Variants in CPB1 observed in about 807,000 individuals in gnomAD.
The protein encoded by CPB1 is carboxypeptidase B1, also known as carboxypeptidase B.
A neutral mutation model predicts 51.4 loss-of-function variants in CPB1; 53 were observed. The ratio of observed to expected loss-of-function variants is 1.03; its 90% CI spans 0.83 to 1.30. The LOEUF is 1.30. CPB1 is among the 50% of genes most tolerant of loss of function. The probability of loss-of-function intolerance (pLI) is 0.00; values close to 1 mark genes in which losing one functional copy is unlikely to be tolerated. For missense variants in CPB1, 494 were observed against 516.2 expected (o/e 0.96, Z 0.42); for synonymous variants, 189 against 186.9 (o/e 1.01, Z -0.09).
intron 2 of CPB1, among the ~76,000 whole-genome samples, chr3:148,830,604 T>C (rs532243875): frequency 7.2e-5 from 11 of 152,334 alleles, no homozygotes; most frequent in African/African-American, 2.6e-4. Flanking sequence ...ACAATTTATA[T>C]GGCTAGTATA....
intron 2 of CPB1, among the ~76,000 whole-genome samples, chr3:148,833,791 C>A (rs1185481956): frequency 1.3e-5 from 2 of 151,804 alleles, no homozygotes; most frequent in Non-Finnish European, 1.5e-5. Context: ...ATGTCTCCCC[C>A]ATAAAGACAA....
rs982792148 is a variant in CPB1 at position 148,848,648 on chromosome 3, A to T, written c.981+3022A>T. Among the ~76,000 whole-genome samples the T allele has an allele frequency of 5.3e-5, 8 of 152,320 alleles. 1 individual carries two copies. In the South Asian group the frequency reaches 1.7e-3, roughly 32 times the overall value. ...ATAAACAGCAGTCCTTTGATATCTG[A>T]GTCATGATAAAAATGTATGTGCCTT... On this transcript the variant is annotated intron_variant, in intron 9 of 10. Transcript: ENST00000282957.
intron 3 of CPB1, among the ~76,000 whole-genome samples, chr3:148,838,844 C>T (rs1712987730): frequency 6.6e-6 from 1 of 152,142 alleles, no homozygotes; most frequent in Non-Finnish European, 1.5e-5. Context: ...AAACTATGAC[C>T]TTGATCTTTT....
rs747820791 is a variant in CPB1, at chr3:148,859,891, T to C, written c.1143T>C (p.Asp381=). The C allele has an allele frequency of 3.1e-6, 5 of 1,614,020 alleles. No homozygotes were observed. The highest frequency in any genetic ancestry group is 3.4e-6 in the Non-Finnish European group (4 of 1,179,988). Residue 381 remains aspartate (D), a synonymous_variant, in exon 11 of 11, where the codon GAT becomes GAC. Transcript: ENST00000282957. ...IRYSFTFELR[D]TGRYGFLLPE... The stretch of plus-strand genomic sequence containing the variant: ...ATTCCTTCACCTTTGAACTTCGAGA[T>C]ACAGGCAGATATGGCTTTCTCCTTC...
At chr3:148,828,503 A>G (rs753406955) in intron 2 of CPB1, among the ~76,000 whole-genome samples, 2 of 152,222 alleles carry the variant, frequency 1.3e-5, no homozygotes, top group Non-Finnish European at 2.9e-5. Flanking sequence ...CAAATCAAAC[A>G]GCTTGGGTTT....
intron 2 of CPB1, among the ~76,000 whole-genome samples, chr3:148,833,259 T>C (rs1325388696): frequency 1.3e-5 from 2 of 152,170 alleles, no homozygotes; most frequent in African/African-American, 4.8e-5. Context: ...ACCTCACTCA[T>C]GCTTTTTTCT....
chr3:148,829,459 CA>C (rs1712666872), intron 2 of CPB1, among the ~76,000 whole-genome samples: 1 of 152,144 alleles, frequency 6.6e-6, no homozygotes, highest in East Asian at 1.9e-4. Context: ...CAGTCAAAAC[CA>C]TTAGGTAATT....
chr3:148,836,954 C>T (rs956737312), intron 3 of CPB1, among the ~76,000 whole-genome samples: 1 of 152,164 alleles, frequency 6.6e-6, no homozygotes, highest in African/African-American at 2.4e-5. Flanking sequence ...TTCCAACCCT[C>T]TTCACCAAGA....
chr3:148,860,142 C>A lies in CPB1; in HGVS notation c.*140C>A. 6.8e-6 allele frequency: 5 copies of A among 729,998 alleles called. No homozygotes were observed. Among genetic ancestry groups the A allele is most frequent in the East Asian group, 5.3e-5 (2 of 37,860 alleles). The allele number at this position is 729,998 out of a possible 1,614,324, so 45.2% of individuals were successfully genotyped here. ...TCTGGGTCTATTAAACTAGGTAGAT[C>A]TTTTCGTATTGATCATAATAAAAGT... On this transcript the variant is annotated 3_prime_UTR_variant, in exon 11 of 11. Transcript: ENST00000282957.
chr3:148,846,765 A>C (rs1713254181), intron 9 of CPB1, among the ~76,000 whole-genome samples: 1 of 122,822 alleles, frequency 8.1e-6, no homozygotes, highest in Non-Finnish European at 1.7e-5. Flanking sequence ...ACATATATAT[A>C]TATATACACA....
At chr3:148,849,912 A>G (rs900430762) in intron 9 of CPB1, among the ~76,000 whole-genome samples, 87 of 152,360 alleles carry the variant, frequency 5.7e-4, no homozygotes, top group African/African-American at 1.9e-3. Context: ...TTCCAAAGAC[A>G]CACAGACACA....
rs76950051 is a variant in CPB1, at chr3:148,844,773, T to C, written c.778+6T>C. ...TTTTGATGCTGGTTGGTGTGGTAAG[T>C]ATCTGGCTAGCCATTTTGCATGTAT... On this transcript the variant is annotated splice_donor_region_variant and intron_variant, in intron 8 of 10. Coordinates refer to ENST00000282957, the MANE Select transcript of CPB1 (RefSeq NM_001871.3). 7,293 of 1,612,944 alleles carry C rather than the reference T, an allele frequency of 4.5e-3. 251 individuals are homozygous for C. The African/African-American group carries it at 0.08, about 18-fold the overall frequency.
At position 148,845,473 on chromosome 3, in the gene CPB1, C is replaced by A. The variant is rs146059086; in HGVS notation, c.828C>A (p.Ala276=). Residue 276 remains alanine, a synonymous_variant, in exon 9 of 11, where the codon GCC becomes GCA. Coordinates refer to ENST00000282957, the MANE Select transcript of CPB1 (RefSeq NM_001871.3). The part of the protein sequence containing the change: ...NPCDETYCGP[A]AESEKETKAL... The stretch of plus-strand genomic sequence containing the variant: ...GTGATGAAACTTACTGTGGACCTGC[C>A]GCAGAGTCTGAAAAGGAGACCAAGG... 6.2e-7 allele frequency: 1 copy of A among 1,613,880 alleles called. No individual in the cohort carries two copies. The highest frequency in any genetic ancestry group is 8.5e-7 in the Non-Finnish European group (1 of 1,179,850).
chr3:148,841,894 T>C lies in CPB1; in HGVS notation c.546T>C (p.Ser182=). ...DCGFHAREWI[S]PAFCQWFVRE... ...GTTTCCATGCCAGAGAGTGGATTTC[T>C]CCTGCATTCTGCCAGTGGTTTGTAA... The change falls in exon 6 of 11, where the codon TCT becomes TCC. Residue 182 remains serine, a synonymous_variant. Coordinates refer to ENST00000282957, the MANE Select transcript of CPB1 (RefSeq NM_001871.3). 1 of 1,613,974 alleles carries C rather than the reference T, an allele frequency of 6.2e-7. No homozygotes were observed. Among genetic ancestry groups the C allele is most frequent in the Non-Finnish European group, 8.5e-7 (1 of 1,179,844 alleles).
Position 148,846,694 on chromosome 3 carries a change from A to G in CPB1, c.981+1068A>G, listed in dbSNP as rs1713249464. On this transcript the variant is annotated intron_variant, in intron 9 of 10. Transcript: ENST00000282957. ...GCCCTTTTCTTTAAAAAACAATACA[A>G]TTTTTCAAAAAGCTTTTCATTTTTC... Among the ~76,000 whole-genome samples the G allele has an allele frequency of 2.7e-5, 4 of 145,536 alleles. No homozygotes were observed. The Admixed American group carries it at 2.8e-4, about 10-fold the overall frequency.
chr3:148,840,401 T>C lies in CPB1; in HGVS notation c.273-285T>C, dbSNP rs549367374. ...GTACCAGGAGCAACCATTTTCCAAG[T>C]TTAAGGTTCACAGATAGTCAAATAC... On this transcript the variant is annotated intron_variant, in intron 3 of 10. Coordinates refer to ENST00000282957, the MANE Select transcript of CPB1 (RefSeq NM_001871.3). 3.3e-5 allele frequency among the ~76,000 whole-genome samples: 5 copies of C among 152,214 alleles called. No individual in the cohort carries two copies. The South Asian group carries it at 1.0e-3, about 32-fold the overall frequency.
At position 148,857,063 on chromosome 3, in the gene CPB1, T is replaced by TTTTTTTGC. The variant is rs1553767928; in HGVS notation, c.982-388_982-387insGCTTTTTT. ...TTATAAACTGCCACATTGCCAAGTG[T>TTTTTTTGC]TTTTTTTTTTTTTTTTTTTTTGCTT... On this transcript the variant is annotated intron_variant, in intron 9 of 10. Transcript: ENST00000282957. 2.2e-3 allele frequency: 89 copies of TTTTTTTGC among 41,374 alleles called. 1 individual carries two copies. The highest frequency in any genetic ancestry group is 4.8e-3 in the African/African-American group (79 of 16,300). The allele number at this position is 41,374 out of a possible 1,614,324, so 2.6% of individuals were successfully genotyped here. A position where few individuals can be genotyped will look rare whatever the true frequency, so the allele number is the denominator to read the frequency against.
Sources: allele counts gnomAD v4.1 joint callset (sites outside exome capture counted in the v4.1 genomes callset), GRCh38; gene constraint gnomAD v4.1.1; transcripts MANE v1.5; gene names NCBI Gene and HGNC (gene_info 2026-07-23, HGNC 2026-07-21).